The following KDM4C variants were observed in gnomAD, a reference collection of about 807,000 sequenced individuals.
The protein encoded by KDM4C is lysine demethylase 4C, also known as lysine-specific demethylase 4C.
KDM4C carries 81 observed loss-of-function variants against 129.3 expected under a neutral mutation model. The ratio of observed to expected loss-of-function variants is 0.63; its 90% CI spans 0.52 to 0.75. KDM4C has a LOEUF of 0.75. Among genes scored for constraint, KDM4C ranks in the 30% least tolerant of loss-of-function variants. KDM4C has a pLI of 0.00. For synonymous variants in KDM4C, 573 were observed against 456.1 expected, an observed-to-expected ratio of 1.26 and a Z score of -3.26; for missense variants, 1,457 against 1,304.0, an observed-to-expected ratio of 1.12 and a Z score of -1.81.
intron 12 of KDM4C, among the ~76,000 whole-genome samples, chr9:7,008,019 A>C (rs1347089865): frequency 6.6e-6 from 1 of 152,168 alleles, no homozygotes; most frequent in Non-Finnish European, 1.5e-5. Flanking sequence ...GAACCAGATG[A>C]GAGATGATGG....
rs186771072 is a variant in KDM4C, at chr9:6,737,163, G to A, written c.49+16166G>A. Among the ~76,000 whole-genome samples, 1,439 of 149,568 alleles carry A rather than the reference G, an allele frequency of 9.6e-3. 22 individuals carry two copies. Among genetic ancestry groups the A allele is most frequent in the African/African-American group, 0.034 (1,369 of 40,780 alleles). ...ACAAACAAATAAATATAATTAAATT[G>A]AAACAGAAAATTGACAAACGGGACC... On this transcript the variant is annotated intron_variant, in intron 1 of 17. Coordinates refer to the KDM4C transcript ENST00000536108.
intron 8 of KDM4C, among the ~76,000 whole-genome samples, chr9:6,932,014 T>TTCA (rs1448326221): frequency 6.6e-6 from 1 of 152,210 alleles, no homozygotes; most frequent in African/African-American, 2.4e-5. Flanking sequence ...GTGTCAGTGA[T>TTCA]TCATCAGAGA....
chr9:7,102,239 C>G (rs77746727), intron 17 of KDM4C, among the ~76,000 whole-genome samples: 43 of 148,894 alleles, frequency 2.9e-4, no homozygotes, highest in Non-Finnish European at 5.5e-4. Flanking sequence ...CTTATGGGGA[C>G]TAGTGAGAAG....
intron 6 of KDM4C, among the ~76,000 whole-genome samples, chr9:6,881,779 C>T (rs933968077): frequency 3.3e-5 from 5 of 152,160 alleles, no homozygotes; most frequent in African/African-American, 1.2e-4. Context: ...AGGAATAAAG[C>T]AGGGAAAAGA....
chr9:7,077,778 C>A (rs1226453771), intron 17 of KDM4C, among the ~76,000 whole-genome samples: 1 of 152,190 alleles, frequency 6.6e-6, no homozygotes, highest in Non-Finnish European at 1.5e-5. Flanking sequence ...ACCACATTTT[C>A]AACTTGCAGA....
chr9:7,115,051 T>A (rs896229549), intron 18 of KDM4C, among the ~76,000 whole-genome samples: 1 of 151,970 alleles, frequency 6.6e-6, no homozygotes, highest in Non-Finnish European at 1.5e-5. Context: ...TGCACTGCAA[T>A]ACAGCCTGGG....
At chr9:7,102,818 T>G (rs891754423) in intron 17 of KDM4C, among the ~76,000 whole-genome samples, 3 of 152,220 alleles carry the variant, frequency 2.0e-5, no homozygotes, top group Non-Finnish European at 4.4e-5. Flanking sequence ...GATCATTGTT[T>G]CTTCTGCTTT....
chr9:7,016,284 C>A (rs190449502), intron 15 of KDM4C, among the ~76,000 whole-genome samples: 2 of 151,790 alleles, frequency 1.3e-5, no homozygotes, highest in South Asian at 2.1e-4. Flanking sequence ...CCCGCCACCA[C>A]GCCTGGCTAA....
chr9:6,929,450 C>T (rs1239720001), intron 8 of KDM4C, among the ~76,000 whole-genome samples: 1 of 147,336 alleles, frequency 6.8e-6, no homozygotes, highest in East Asian at 2.0e-4. Context: ...GCAGTGTACA[C>T]TTTATCCTGT....
At position 7,054,288 on chromosome 9, in the gene KDM4C, A is replaced by G. The variant is rs994813615; in HGVS notation, c.2424+5088A>G. ...AAAGAATTGACCCCAAGTGGTATAG[A>G]TTTAGAATTTATTCAGAATTTTTTC... On this transcript the variant is annotated intron_variant, in intron 17 of 21. Transcript: ENST00000381309. Among the ~76,000 whole-genome samples, 13 of 152,300 alleles carry G rather than the reference A, an allele frequency of 8.5e-5. 1 individual carries two copies. Among genetic ancestry groups the G allele is most frequent in the African/African-American group, 3.1e-4 (13 of 41,560 alleles).
intron 1 of KDM4C, among the ~76,000 whole-genome samples, chr9:6,761,894 C>A (rs1819607003): frequency 6.6e-6 from 1 of 152,084 alleles, no homozygotes; most frequent in South Asian, 2.1e-4. Context: ...TCACTGCAAC[C>A]TCCGACTCCC....
chr9:6,981,178 G>C (rs1182226856), intron 9 of KDM4C, 60 bp downstream of exon 9: 1 of 1,348,550 alleles, frequency 7.4e-7, no homozygotes. Flanking sequence ...GTTAAAATGG[G>C]TCATTGGATG....
chr9:6,940,156 G>T (rs1825690361), intron 8 of KDM4C, among the ~76,000 whole-genome samples: 1 of 151,762 alleles, frequency 6.6e-6, no homozygotes, highest in South Asian at 2.1e-4. Flanking sequence ...CAGTGGTGCA[G>T]TATTGGCTAT....
At chr9:6,865,626 G>A (rs569919397) in intron 5 of KDM4C, among the ~76,000 whole-genome samples, 1 of 152,234 alleles carries the variant, frequency 6.6e-6, no homozygotes, top group African/African-American at 2.4e-5. Flanking sequence ...GAGTTCAGTG[G>A]CGTGATCTCA....
chr9:6,861,649 C>T (rs980057155), intron 5 of KDM4C, among the ~76,000 whole-genome samples: 1 of 152,188 alleles, frequency 6.6e-6, no homozygotes, highest in Non-Finnish European at 1.5e-5. Context: ...AATCTATCCC[C>T]TCCTCTCTTC....
chr9:7,088,836 T>G (rs1044030224), intron 17 of KDM4C, among the ~76,000 whole-genome samples: 1 of 151,736 alleles, frequency 6.6e-6, no homozygotes, highest in African/African-American at 2.4e-5. Context: ...TACTGTTATT[T>G]TGGAAAAAAA....
At chr9:6,978,183 G>A (rs763405147) in intron 8 of KDM4C, among the ~76,000 whole-genome samples, 36 of 152,184 alleles carry the variant, frequency 2.4e-4, no homozygotes, top group Non-Finnish European at 4.0e-4. Flanking sequence ...GGTTAAACAA[G>A]CTGTTCAAGA....
chr9:6,801,864 G>C (rs938675197), intron 2 of KDM4C, among the ~76,000 whole-genome samples: 2 of 152,044 alleles, frequency 1.3e-5, no homozygotes. Flanking sequence ...CAGCACTTTG[G>C]GAGGCTGAGG....
In KDM4C at chr9:7,128,802, G is replaced by C. The variant is rs183657077; in HGVS notation, c.2781+566G>C. On this transcript the variant is annotated intron_variant, in intron 19 of 21. Transcript: ENST00000381309. ...TGTGTGTGCGTGCGCGTGTGTGTGTGTCTGGCTGTCTTGTTGGTCTGTCTC... is the reference window on the plus strand; with the variant it reads ...TGTGTGTGCGTGCGCGTGTGTGTGTCTCTGGCTGTCTTGTTGGTCTGTCTC... Among the ~76,000 whole-genome samples the C allele has an allele frequency of 7.4e-4, 113 of 152,244 alleles. 3 individuals are homozygous for C. Among genetic ancestry groups the C allele is most frequent in the Admixed American group, 9.2e-4 (14 of 15,296 alleles).
Sources: gnomAD v4.1 joint callset for allele counts (sites outside exome capture counted in the v4.1 genomes callset) on GRCh38, gnomAD v4.1.1 for gene constraint, MANE v1.5 for transcripts, NCBI Gene and HGNC (gene_info 2026-07-23, HGNC 2026-07-21) for gene names.